The following DUSP12 variants were observed in gnomAD, a reference collection of about 807,000 sequenced individuals.
The protein encoded by DUSP12 is dual specificity protein phosphatase 12.
In DUSP12, 25 loss-of-function variants were observed where a neutral mutation model predicts 38.9. The ratio of observed to expected loss-of-function variants is 0.64; its 90% confidence interval spans 0.47 to 0.90. The LOEUF (loss-of-function observed/expected upper bound fraction) is 0.90. Ranked by LOEUF, DUSP12 falls within the 40% of genes least tolerant of loss-of-function variation. The pLI is 0.00. For synonymous variants in DUSP12, 153 were observed against 153.9 expected (o/e 0.99, Z 0.05); for missense variants, 403 against 427.0 (o/e 0.94, Z 0.50).
intron 5 of DUSP12, among the ~76,000 whole-genome samples, chr1:161,756,102 C>T (rs542662684): frequency 7.5e-4 from 114 of 152,202 alleles, no homozygotes; most frequent in African/African-American, 2.6e-3. Context: ...GTGATCTGCC[C>T]GCCTTGGCCT....
In DUSP12 at chr1:161,749,846, C is replaced by A. The variant is rs775580032; in HGVS notation, c.45C>A (p.Asn15Lys). 3 of 1,602,630 alleles carry A rather than the reference C, an allele frequency of 1.9e-6. No homozygotes were observed. The highest frequency in any genetic ancestry group is 1.3e-5 in the African/African-American group (1 of 74,748). Residue 15 changes from asparagine (N) to lysine (K), a missense_variant, in exon 1 of 6, where the codon AAC becomes AAA. By Grantham distance (94) the Asn-to-Lys change is moderately conservative (BLOSUM62 0). Transcript: ENST00000367943. ...PGPSDGCELSNPSASRVSCAG... is the reference protein window; with the variant it reads ...PGPSDGCELSKPSASRVSCAG... Reference sequence around the variant, plus strand: ...CGAGTGATGGCTGCGAGCTCAGCAACCCCAGCGCCAGCAGAGTCAGCTGTG... The same window carrying A: ...CGAGTGATGGCTGCGAGCTCAGCAAACCCAGCGCCAGCAGAGTCAGCTGTG...
chr1:161,750,246 A>C, intron 1 of DUSP12, 101 bp downstream of exon 1: 2 of 1,325,048 alleles, frequency 1.5e-6, no homozygotes, highest in Non-Finnish European at 2.1e-6. Context: ...GAGCGCGGTC[A>C]TGCCGCGTGA....
chr1:161,753,302 C>G, intron 5 of DUSP12, 41 bp downstream of exon 5: 1 of 1,453,442 alleles, frequency 6.9e-7, no homozygotes, highest in East Asian at 2.5e-5. Flanking sequence ...ATTTTATGAT[C>G]TATATTTTAT....
At chr1:161,753,955 G>C (rs1165174943) in intron 5 of DUSP12, among the ~76,000 whole-genome samples, 1 of 152,062 alleles carries the variant, frequency 6.6e-6, no homozygotes, top group African/African-American at 2.4e-5. Flanking sequence ...TATTGCTCCT[G>C]TAACCAGTGG....
rs761009700 is a variant in DUSP12 at position 161,749,796 on chromosome 1, G to T, written c.-6G>T. The T allele has an allele frequency of 1.9e-6, 3 of 1,563,784 alleles. No individual in the cohort carries two copies. The South Asian group carries it at 3.5e-5, about 18-fold the overall frequency. ...GCAGGAAGCCGCCTTGTCTCTGGGC[G>T]CGGCCATGTTGGAGGCTCCGGGCCC... On this transcript the variant is annotated 5_prime_UTR_variant, in exon 1 of 6. Transcript: ENST00000367943.
At chr1:161,752,931 A>C in intron 4 of DUSP12, 144 bp from the exon 5 acceptor site, 1 of 690,842 alleles carries the variant, frequency 1.4e-6, no homozygotes, top group Admixed American at 3.4e-5. Flanking sequence ...CGGAGGTTGC[A>C]GTGAGCCATG....
intron 1 of DUSP12, among the ~76,000 whole-genome samples, chr1:161,750,495 T>C (rs1684000238): frequency 1.3e-5 from 2 of 152,230 alleles, no homozygotes; most frequent in Non-Finnish European, 2.9e-5. Flanking sequence ...ATTAGGTTGC[T>C]TGGTGTCTTG....
chr1:161,750,256 A>G (rs972854844), intron 1 of DUSP12, 111 bp downstream of exon 1: 1 of 1,203,108 alleles, frequency 8.3e-7, no homozygotes, highest in African/African-American at 1.5e-5. Flanking sequence ...ATGCCGCGTG[A>G]ACCTCCTCCC....
At chr1:161,753,354 T>C (rs1367510061) in intron 5 of DUSP12, 93 bp downstream of exon 5, 9 of 1,036,434 alleles carry the variant, frequency 8.7e-6, no homozygotes, top group South Asian at 2.3e-5. Flanking sequence ...AGTGTTTTGC[T>C]CCATTTCTTA....
At chr1:161,750,253 G>C (rs1683995784) in intron 1 of DUSP12, 108 bp downstream of exon 1, 5 of 1,224,764 alleles carry the variant, frequency 4.1e-6, no homozygotes, top group Non-Finnish European at 5.7e-6. Context: ...GTCATGCCGC[G>C]TGAACCTCCT....
At chr1:161,751,515 T>G in intron 1 of DUSP12, 153 bp from the exon 2 acceptor site, 1 of 867,450 alleles carries the variant, frequency 1.2e-6, no homozygotes. Flanking sequence ...ATAATTATTT[T>G]GTACCTTGAT....
At chr1:161,754,336 T>TA (rs1684076793) in intron 5 of DUSP12, among the ~76,000 whole-genome samples, 1 of 152,158 alleles carries the variant, frequency 6.6e-6, no homozygotes, top group South Asian at 2.1e-4. Flanking sequence ...GCTGCTTTTT[T>TA]TAAAAAAAAC....
chr1:161,751,934 G>A lies in DUSP12; in HGVS notation c.527G>A (p.Ser176Asn). 1.2e-6 allele frequency: 2 copies of A among 1,613,090 alleles called. No individual in the cohort carries two copies. Among genetic ancestry groups the A allele is most frequent in the Non-Finnish European group, 1.7e-6 (2 of 1,179,628 alleles). ...ATGGGATACGAAGTGGATACCTCTA[G>A]TGCAATTTATAAGCAATATCGTTTA... ...QAMGYEVDTS[S>N]AIYKQYRLQK... The change falls in exon 3 of 6, where the codon AGT becomes AAT. Residue 176 changes from serine (S) to asparagine (N), a missense_variant. Physicochemically the swap from Ser to Asn is conservative, Grantham distance 46 (BLOSUM62 1). Coordinates refer to ENST00000367943, the MANE Select transcript of DUSP12 (RefSeq NM_007240.3).
At position 161,749,848 on chromosome 1, in the gene DUSP12, C is replaced by T. The variant is rs752261197; in HGVS notation, c.47C>T (p.Pro16Leu). 3.1e-6 allele frequency: 5 copies of T among 1,603,528 alleles called. No individual in the cohort carries two copies. The highest frequency in any genetic ancestry group is 3.4e-6 in the Non-Finnish European group (4 of 1,175,478). The change falls in exon 1 of 6, where the codon CCC becomes CTC. Residue 16 changes from proline (P) to leucine (L), a missense_variant. By Grantham distance (98) the Pro-to-Leu change is moderately conservative. Transcript: ENST00000367943. ...GPSDGCELSN[P>L]SASRVSCAGQ... ...AGTGATGGCTGCGAGCTCAGCAACC[C>T]CAGCGCCAGCAGAGTCAGCTGTGCC...
chr1:161,753,166 A>G lies in DUSP12; in HGVS notation c.766A>G (p.Met256Val), dbSNP rs1684054267. 1 of 1,614,136 alleles carries G rather than the reference A, an allele frequency of 6.2e-7. No individual in the cohort carries two copies. The highest frequency in any genetic ancestry group is 2.2e-5 in the East Asian group (1 of 44,886). Residue 256 changes from methionine to valine, a missense_variant, in exon 5 of 6, where the codon ATG becomes GTG. By Grantham distance (21) the Met-to-Val change is conservative. Coordinates refer to ENST00000367943, the MANE Select transcript of DUSP12 (RefSeq NM_007240.3). ...CCACAAGAGAATGACACCATCTTCC[A>G]TGCTTACCACAGGGAGGCAAGCTCA... is the stretch of plus-strand genomic sequence containing the variant. ...FAHKRMTPSS[M>V]LTTGRQAQCT...
At chr1:161,753,492 T>TATA (rs1344241108) in intron 5 of DUSP12, 1 of 295,050 alleles carries the variant, frequency 3.4e-6, no homozygotes, top group Non-Finnish European at 6.2e-6. Context: ...TCTAAGTTAA[T>TATA]AAATTTCCTT....
intron 5 of DUSP12, among the ~76,000 whole-genome samples, chr1:161,753,628 G>C (rs1684062912): frequency 6.6e-6 from 1 of 152,066 alleles, no homozygotes; most frequent in South Asian, 2.1e-4. Context: ...GGGAGGCTGA[G>C]GCGGGAGGAT....
At chr1:161,756,167 T>C (rs1042910191) in intron 5 of DUSP12, among the ~76,000 whole-genome samples, 2 of 152,036 alleles carry the variant, frequency 1.3e-5, no homozygotes, top group Non-Finnish European at 2.9e-5. Flanking sequence ...TGCTTCTGAG[T>C]TTTATGTCTA....
intron 5 of DUSP12, among the ~76,000 whole-genome samples, chr1:161,753,925 T>A (rs561299653): frequency 2.6e-5 from 4 of 151,322 alleles, no homozygotes; most frequent in African/African-American, 9.7e-5. Context: ...TCATTTCCAG[T>A]TAAATAATGC....
Sources: allele counts gnomAD v4.1 joint callset (sites outside exome capture counted in the v4.1 genomes callset), GRCh38; gene constraint gnomAD v4.1.1; transcripts MANE v1.5; gene names NCBI Gene and HGNC (gene_info 2026-07-23, HGNC 2026-07-21).